Variants in MGAT5 observed in about 807,000 individuals in gnomAD.
MGAT5 encodes alpha-1,6-mannosylglycoprotein 6-beta-N-acetylglucosaminyltransferase A.
A neutral mutation model predicts 94.3 loss-of-function variants in MGAT5; 30 were observed. That is an observed-to-expected ratio of 0.32 (90% CI 0.24 to 0.43). The LOEUF (loss-of-function observed/expected upper bound fraction) is 0.43, where lower values mean the gene tolerates loss of function less well. MGAT5 is among the 20% of genes least tolerant of loss of function. The pLI is 1.00. For synonymous variants in MGAT5, 310 were observed against 322.9 expected, an observed-to-expected ratio of 0.96 and a Z score of 0.43; for missense variants, 691 against 905.5, an observed-to-expected ratio of 0.76 and a Z score of 3.04.
rs114225828 is a variant in MGAT5, at chr2:134,389,736, C to T, written c.1381-13252C>T. ...TAAATTTGGAGTACTTGTATTCTTG[C>T]CTAAGTAAGTGTTAGGTGACTCCTT... On this transcript the variant is annotated intron_variant, in intron 10 of 15. Coordinates refer to ENST00000281923, the MANE Select transcript of MGAT5 (RefSeq NM_002410.5). Among the ~76,000 whole-genome samples, 677 of 152,242 alleles carry T rather than the reference C, an allele frequency of 4.4e-3. 8 individuals are homozygous for T. The highest frequency in any genetic ancestry group is 0.016 in the African/African-American group (648 of 41,528).
At chr2:134,238,593 G>A (rs1184090084) in intron 1 of MGAT5, among the ~76,000 whole-genome samples, 1 of 152,204 alleles carries the variant, frequency 6.6e-6, no homozygotes, top group Admixed American at 6.5e-5. Context: ...AAGATGTGGT[G>A]TCATTGTGCG....
chr2:134,426,833 C>T (rs979706179), intron 13 of MGAT5, among the ~76,000 whole-genome samples: 1 of 152,126 alleles, frequency 6.6e-6, no homozygotes, highest in Admixed American at 6.6e-5. Context: ...GTCAGTTCTT[C>T]GTAGTATTTT....
chr2:134,286,252 T>A (rs1445427073), intron 2 of MGAT5, among the ~76,000 whole-genome samples: 1 of 152,202 alleles, frequency 6.6e-6, no homozygotes, highest in Admixed American at 6.5e-5. Context: ...CAGGCTGGCC[T>A]GGCTGCATCC....
chr2:134,172,507 C>CTCCCAAGTAGCTGGGACTGCAGGTG (rs1688262103), intron 1 of MGAT5, among the ~76,000 whole-genome samples: 1 of 152,154 alleles, frequency 6.6e-6, no homozygotes, highest in Non-Finnish European at 1.5e-5. Flanking sequence ...CTGCATCAGC[C>CTCCCAAGTAGCTGGGACTGCAGGTG]TCCCAAGTAG....
chr2:134,189,607 T>TTTTTTTTTTTTTTTTTTTTTTTTTG (rs1553490420), intron 1 of MGAT5, among the ~76,000 whole-genome samples: 85 of 80,594 alleles, frequency 1.1e-3, no homozygotes, highest in Non-Finnish European at 1.9e-3. Flanking sequence ...TTTTTGTTTT[T>TTTTTTTTTTTTTTTTTTTTTTTTTG]TTTTTTTTTT....
chr2:134,444,596 A>C lies in MGAT5; in HGVS notation c.2027+2681A>C, dbSNP rs1490816521. Among the ~76,000 whole-genome samples the C allele has an allele frequency of 4.6e-5, 7 of 152,352 alleles. No individual in the cohort carries two copies. The East Asian group carries it at 1.2e-3, about 25-fold the overall frequency. Reference sequence around the variant, plus strand: ...TCCTGGCCCATCCATATTCATAGCCAATTAGCAATTAGCAGTTCCTGCAAG... The same window carrying C: ...TCCTGGCCCATCCATATTCATAGCCCATTAGCAATTAGCAGTTCCTGCAAG... On this transcript the variant is annotated intron_variant, in intron 15 of 15. Coordinates refer to ENST00000281923, the MANE Select transcript of MGAT5 (RefSeq NM_002410.5).
intron 15 of MGAT5, among the ~76,000 whole-genome samples, chr2:134,443,627 G>C (rs1172643483): frequency 1.3e-5 from 2 of 152,238 alleles, no homozygotes; most frequent in East Asian, 3.8e-4. Flanking sequence ...CACCAGGCAA[G>C]CTTTAGGAGG....
intron 4 of MGAT5, 68 bp from the exon 5 acceptor site, chr2:134,336,149 G>A (rs547836688): frequency 3.2e-5 from 41 of 1,275,516 alleles, no homozygotes; most frequent in African/African-American, 1.2e-4. Context: ...AGCTGTTCTC[G>A]GTGCTTTTTA....
intron 1 of MGAT5, among the ~76,000 whole-genome samples, chr2:134,143,316 G>A (rs1686747134): frequency 6.6e-6 from 1 of 152,214 alleles, no homozygotes; most frequent in African/African-American, 2.4e-5. Flanking sequence ...TTTGTTTACT[G>A]TTAAAGACTG....
At chr2:134,220,556 C>G (rs1558993810) in intron 1 of MGAT5, among the ~76,000 whole-genome samples, 1 of 152,164 alleles carries the variant, frequency 6.6e-6, no homozygotes, top group Non-Finnish European at 1.5e-5. Context: ...TTAGCCAGCC[C>G]ATTGTGCCCC....
intron 11 of MGAT5, among the ~76,000 whole-genome samples, chr2:134,407,957 A>G (rs948459393): frequency 6.6e-6 from 1 of 152,220 alleles, no homozygotes; most frequent in African/African-American, 2.4e-5. Flanking sequence ...GGGATTTACC[A>G]TAACAGTAAC....
At chr2:134,206,292 T>C (rs922760828) in intron 1 of MGAT5, among the ~76,000 whole-genome samples, 1 of 152,196 alleles carries the variant, frequency 6.6e-6, no homozygotes, top group African/African-American at 2.4e-5. Context: ...CATTCTATCC[T>C]GTCAAGTATG....
At position 134,453,765 on chromosome 2, in the gene MGAT5, T is replaced by C. The variant is rs1686217037; in HGVS notation, c.*4918T>C. ...GCTGGGGGCAATGGGGCAGGGATTTTGGCCTCTCAGAACAGCTCCTAGAGG... is the reference window on the plus strand; with the variant it reads ...GCTGGGGGCAATGGGGCAGGGATTTCGGCCTCTCAGAACAGCTCCTAGAGG... On this transcript the variant is annotated 3_prime_UTR_variant, in exon 16 of 16. Coordinates refer to ENST00000281923, the MANE Select transcript of MGAT5 (RefSeq NM_002410.5). 6.6e-6 allele frequency: 1 copy of C among 152,238 alleles called. No individual in the cohort carries two copies. Among genetic ancestry groups the C allele is most frequent in the Non-Finnish European group, 1.5e-5 (1 of 68,052 alleles). The allele number at this position is 152,238 out of a possible 1,614,324, so 9.4% of individuals were successfully genotyped here.
intron 1 of MGAT5, among the ~76,000 whole-genome samples, chr2:134,183,535 A>G (rs1211253316): frequency 3.3e-5 from 5 of 152,180 alleles, no homozygotes; most frequent in African/African-American, 9.7e-5. Flanking sequence ...TATTCTGAAT[A>G]CCATTTTCTG....
intron 10 of MGAT5, among the ~76,000 whole-genome samples, chr2:134,371,168 G>A (rs1443919770): frequency 2.6e-5 from 4 of 152,132 alleles, no homozygotes; most frequent in African/African-American, 7.2e-5. Context: ...GGAGATGCCC[G>A]GATTCTCATT....
At chr2:134,309,805 T>C (rs1327492437) in intron 2 of MGAT5, among the ~76,000 whole-genome samples, 1 of 152,186 alleles carries the variant, frequency 6.6e-6, no homozygotes, top group African/African-American at 2.4e-5. Flanking sequence ...AGGTCCCCTT[T>C]TTAATACTAA....
chr2:134,419,241 T>C (rs1684144857), intron 12 of MGAT5, among the ~76,000 whole-genome samples: 1 of 152,200 alleles, frequency 6.6e-6, no homozygotes, highest in Admixed American at 6.5e-5. Flanking sequence ...TTTGTTTTTA[T>C]TTTTGTGCTG....
At chr2:134,216,368 T>G (rs1680498862) in intron 1 of MGAT5, among the ~76,000 whole-genome samples, 1 of 152,196 alleles carries the variant, frequency 6.6e-6, no homozygotes, top group Admixed American at 6.5e-5. Context: ...AGTGGGAAAT[T>G]CCCATGTTGT....
chr2:134,143,538 G>T (rs532879779), intron 1 of MGAT5, among the ~76,000 whole-genome samples: 29 of 152,316 alleles, frequency 1.9e-4, no homozygotes, highest in Middle Eastern at 3.4e-3. Context: ...CGCGCTCGGC[G>T]CATCCTGGAT....
Sources: allele counts gnomAD v4.1 joint callset (sites outside exome capture counted in the v4.1 genomes callset), GRCh38; gene constraint gnomAD v4.1.1; transcripts MANE v1.5; gene names NCBI Gene and HGNC (gene_info 2026-07-23, HGNC 2026-07-21).